RXFP1: variants seen among roughly 807,000 people sequenced by gnomAD.
RXFP1 encodes the protein relaxin receptor 1.
In RXFP1, 73 loss-of-function variants were observed where a neutral mutation model predicts 89.8. The observed-to-expected ratio is 0.81, with a 90% confidence interval of 0.67 to 0.99. The LOEUF (loss-of-function observed/expected upper bound fraction) is 0.99. Among genes scored for constraint, RXFP1 ranks in the 50% least tolerant of loss-of-function variants. RXFP1 has a pLI of 0.00. For synonymous variants in RXFP1, 277 were observed against 305.5 expected (o/e 0.91, Z 0.97); for missense variants, 793 against 895.5 (o/e 0.89, Z 1.46).
At chr4:158,533,049 G>A (rs765978245) in intron 1 of RXFP1, among the ~76,000 whole-genome samples, 2 of 152,174 alleles carry the variant, frequency 1.3e-5, no homozygotes, top group African/African-American at 4.8e-5. Flanking sequence ...AAACTGCTTC[G>A]AGGGCATCAC....
At chr4:158,530,595 TAGAC>T (rs1221614348) in intron 1 of RXFP1, among the ~76,000 whole-genome samples, 7 of 152,220 alleles carry the variant, frequency 4.6e-5, no homozygotes, top group East Asian at 1.9e-4. Flanking sequence ...ATTTCAAACT[TAGAC>T]AGAGTGACAT....
At chr4:158,531,653 C>A (rs1192537207) in intron 1 of RXFP1, among the ~76,000 whole-genome samples, 1 of 152,174 alleles carries the variant, frequency 6.6e-6, no homozygotes, top group African/African-American at 2.4e-5. Flanking sequence ...TACTACTACA[C>A]ACACACACTT....
chr4:158,625,991 G>T (rs996484443), intron 9 of RXFP1, among the ~76,000 whole-genome samples: 7 of 151,998 alleles, frequency 4.6e-5, no homozygotes. Context: ...AGATAACCAC[G>T]AAGAGACAGT....
In RXFP1 at chr4:158,605,085, TAATA is replaced by T; in HGVS notation, c.412_415del (p.Ile138GlufsTer35). Reference sequence around the variant, plus strand: ...TATTTCAGGTCACTTCAGTGGAACTTAATAAGAAAGCTTCCTCCTGATTGCTTCA... The same window carrying T: ...TATTTCAGGTCACTTCAGTGGAACTTAGAAAGCTTCCTCCTGATTGCTTCA... On this transcript the variant is annotated frameshift_variant, in exon 5 of 18. Coordinates refer to ENST00000307765, the MANE Select transcript of RXFP1 (RefSeq NM_021634.4). LOFTEE classifies it high-confidence loss of function. 6.3e-7 allele frequency: 1 copy of T among 1,587,684 alleles called. No homozygotes were observed. The highest frequency in any genetic ancestry group is 8.6e-7 in the Non-Finnish European group (1 of 1,160,760).
intron 1 of RXFP1, among the ~76,000 whole-genome samples, chr4:158,568,618 TTG>T (rs1489021748): frequency 6.6e-6 from 1 of 152,260 alleles, no homozygotes; most frequent in Non-Finnish European, 1.5e-5. Context: ...TTTTTTTACT[TTG>T]TTTTAAACAA....
At chr4:158,542,115 T>A (rs1292308892) in intron 1 of RXFP1, among the ~76,000 whole-genome samples, 25 of 32,364 alleles carry the variant, frequency 7.7e-4, no homozygotes, top group African/African-American at 1.9e-3. Context: ...ATATATTTTT[T>A]TTTTAGTAGA....
At chr4:158,616,665 T>C (rs545518218) in intron 8 of RXFP1, among the ~76,000 whole-genome samples, 1 of 149,636 alleles carries the variant, frequency 6.7e-6, no homozygotes, top group African/African-American at 2.4e-5. Context: ...AGATTATAAT[T>C]AAATATAGTT....
chr4:158,567,963 A>G (rs1292886709), intron 1 of RXFP1, among the ~76,000 whole-genome samples: 2 of 152,152 alleles, frequency 1.3e-5, no homozygotes, highest in Non-Finnish European at 2.9e-5. Context: ...CACGCTTTGG[A>G]TTCACACTGC....
chr4:158,585,566 G>A (rs946124458), intron 2 of RXFP1, among the ~76,000 whole-genome samples: 1 of 152,076 alleles, frequency 6.6e-6, no homozygotes, highest in Non-Finnish European at 1.5e-5. Context: ...TGGTACAAAT[G>A]AAATAATGTT....
chr4:158,612,031 T>G, intron 6 of RXFP1, 99 bp from the exon 7 acceptor site: 1 of 907,772 alleles, frequency 1.1e-6, no homozygotes. Flanking sequence ...ATGAGAATGC[T>G]ATGTAAAAAA....
intron 9 of RXFP1, among the ~76,000 whole-genome samples, chr4:158,624,646 A>G (rs1409053257): frequency 3.3e-5 from 5 of 152,202 alleles, no homozygotes; most frequent in Admixed American, 3.3e-4. Flanking sequence ...AGCAAGAAAC[A>G]GATTTTTTGT....
At chr4:158,544,606 C>T (rs1217502652) in intron 1 of RXFP1, among the ~76,000 whole-genome samples, 4 of 151,638 alleles carry the variant, frequency 2.6e-5, no homozygotes, top group African/African-American at 9.7e-5. Flanking sequence ...CCTACCCCTA[C>T]CCCCCAACAG....
rs78775186 is a variant in RXFP1, at chr4:158,528,891, C to A, written c.49+6866C>A. Among the ~76,000 whole-genome samples, 1,496 of 152,350 alleles carry A rather than the reference C, an allele frequency of 9.8e-3. 24 individuals carry two copies. The highest frequency in any genetic ancestry group is 0.034 in the African/African-American group (1,425 of 41,588). On this transcript the variant is annotated intron_variant, in intron 1 of 17. Transcript: ENST00000307765. ...CCTGTGTGCTTCACCGCTCCTATAA[C>A]CTCTTCTTTCCCACCAAAAAAGAAT...
At chr4:158,602,192 G>A (rs1761813658) in intron 4 of RXFP1, among the ~76,000 whole-genome samples, 1 of 152,170 alleles carries the variant, frequency 6.6e-6, no homozygotes, top group Non-Finnish European at 1.5e-5. Flanking sequence ...ATTGTGAAAT[G>A]TAGAGAATGT....
intron 1 of RXFP1, among the ~76,000 whole-genome samples, chr4:158,560,905 T>G (rs1752300202): frequency 1.3e-5 from 2 of 152,246 alleles, no homozygotes; most frequent in Non-Finnish European, 2.9e-5. Context: ...GAAAGTATTT[T>G]GCTTTCCAAC....
At chr4:158,629,022 T>A (rs950248678) in intron 11 of RXFP1, among the ~76,000 whole-genome samples, 1 of 151,078 alleles carries the variant, frequency 6.6e-6, no homozygotes, top group Non-Finnish European at 1.5e-5. Flanking sequence ...ACGGTAAATT[T>A]ATGGGGGGTT....
intron 1 of RXFP1, among the ~76,000 whole-genome samples, chr4:158,533,392 C>T (rs1430454991): frequency 6.6e-6 from 1 of 151,998 alleles, no homozygotes; most frequent in Admixed American, 6.5e-5. Flanking sequence ...GGACATTACC[C>T]TAAAATCAGT....
intron 17 of RXFP1, among the ~76,000 whole-genome samples, chr4:158,649,952 G>GC (rs1471023783): frequency 2.0e-5 from 3 of 152,222 alleles, no homozygotes; most frequent in Non-Finnish European, 4.4e-5. Context: ...GTTCATTGCA[G>GC]CATTATTCAC....
At chr4:158,532,093 C>G (rs1744204515) in intron 1 of RXFP1, among the ~76,000 whole-genome samples, 1 of 152,118 alleles carries the variant, frequency 6.6e-6, no homozygotes, top group Admixed American at 6.6e-5. Flanking sequence ...CCCTCCTCCC[C>G]TTTTGGAATC....
Sources: gnomAD v4.1 joint callset for allele counts (sites outside exome capture counted in the v4.1 genomes callset) on GRCh38, gnomAD v4.1.1 for gene constraint, MANE v1.5 for transcripts, NCBI Gene and HGNC (gene_info 2026-07-23, HGNC 2026-07-21) for gene names.